The following USP32 variants were observed in gnomAD, a reference collection of about 807,000 sequenced individuals.
USP32 encodes ubiquitin specific peptidase 32.
In USP32, 59 loss-of-function variants were observed where a neutral mutation model predicts 204.8. The ratio of observed to expected loss-of-function variants is 0.29; its 90% CI spans 0.23 to 0.36. The LOEUF (loss-of-function observed/expected upper bound fraction) is 0.36. Ranked by LOEUF, USP32 falls within the 10% of genes least tolerant of loss-of-function variation. The pLI is 1.00. For synonymous variants in USP32, 517 were observed against 678.4 expected (o/e 0.76, Z 3.70); for missense variants, 1,160 against 1,946.4 (o/e 0.60, Z 7.60).
intron 11 of USP32, among the ~76,000 whole-genome samples, chr17:60,247,241 G>A (rs1167416194): frequency 6.6e-6 from 1 of 151,976 alleles, no homozygotes; most frequent in African/African-American, 2.4e-5. Flanking sequence ...GTGCAGTGGG[G>A]CAATCTCGGC....
chr17:60,358,796 T>C (rs1019909994), intron 1 of USP32, among the ~76,000 whole-genome samples: 1 of 152,180 alleles, frequency 6.6e-6, no homozygotes, highest in Non-Finnish European at 1.5e-5. Context: ...GGTTTTGATA[T>C]TACATCATGG....
rs1453188323 is a variant in USP32, at chr17:60,185,577, G to C, written c.3717C>G (p.Leu1239=). The C allele has an allele frequency of 3.7e-6, 6 of 1,611,992 alleles. No homozygotes were observed. Among genetic ancestry groups the C allele is most frequent in the African/African-American group, 1.3e-5 (1 of 74,956 alleles). Residue 1239 remains leucine, a synonymous_variant, in exon 30 of 34, where the codon CTC becomes CTG. Transcript: ENST00000300896. ...QAEPINLDSC[L]RAFTSEEELG... ...GCTCTTCCTCACTGGTGAAAGCACG[G>C]AGACAGCTGTCCAGGTTGATGGGCT...
Position 60,205,491 on chromosome 17 carries a change from C to T in USP32, c.3205G>A (p.Asp1069Asn), listed in dbSNP as rs775400187. The T allele has an allele frequency of 6.8e-6, 11 of 1,613,506 alleles. No homozygotes were observed. The highest frequency in any genetic ancestry group is 1.1e-5 in the South Asian group (1 of 91,048). ...ATGATGTAACCTGTAAAGGGGCTGTCAGGAAGAGATGGCATGTGACCATTA... is the reference window on the plus strand; with the variant it reads ...ATGATGTAACCTGTAAAGGGGCTGTTAGGAAGAGATGGCATGTGACCATTA... ...MVNGHMPSLP[D>N]SPFTGYIIAV... The change falls in exon 26 of 34, where the codon GAC becomes AAC. Residue 1069 changes from aspartate (D) to asparagine (N), a missense_variant. This residue lies in a region of USP32 where 160 missense variants were observed against 322.5 expected (regional missense o/e 0.50). Transcript: ENST00000300896.
intron 1 of USP32, among the ~76,000 whole-genome samples, chr17:60,420,774 T>C (rs987044866): frequency 6.6e-6 from 1 of 152,174 alleles, no homozygotes; most frequent in Admixed American, 6.5e-5. Context: ...AAGTGAAAAA[T>C]TACCTTTGAT....
chr17:60,256,644 AG>A, intron 9 of USP32: 2 of 1,022,088 alleles, frequency 2.0e-6, no homozygotes, highest in Non-Finnish European at 2.4e-6. Flanking sequence ...TTAGGTTAAC[AG>A]GAGTGTCTAA....
chr17:60,281,229 T>C (rs2145823904), intron 5 of USP32, among the ~76,000 whole-genome samples: 1 of 152,176 alleles, frequency 6.6e-6, no homozygotes, highest in Non-Finnish European at 1.5e-5. Context: ...TATAAGAGGA[T>C]GCATATTCAT....
At chr17:60,283,023 A>G (rs919208120) in intron 5 of USP32, among the ~76,000 whole-genome samples, 2 of 152,264 alleles carry the variant, frequency 1.3e-5, no homozygotes, top group African/African-American at 2.4e-5. Context: ...AATTGCTTCA[A>G]TTGAAATATA....
At chr17:60,226,908 G>A (rs1292505357) in intron 12 of USP32, among the ~76,000 whole-genome samples, 1 of 151,690 alleles carries the variant, frequency 6.6e-6, no homozygotes, top group Non-Finnish European at 1.5e-5. Flanking sequence ...GCTGGGGGTG[G>A]TGGAGGGCTC....
At chr17:60,263,411 G>A (rs1039372239) in intron 9 of USP32, among the ~76,000 whole-genome samples, 1 of 152,208 alleles carries the variant, frequency 6.6e-6, no homozygotes, top group Admixed American at 6.5e-5. Context: ...GAAAAAGAAT[G>A]AGTAATGTTG....
intron 1 of USP32, among the ~76,000 whole-genome samples, chr17:60,351,077 C>A (rs963468819): frequency 3.9e-5 from 6 of 152,030 alleles, no homozygotes; most frequent in African/African-American, 1.4e-4. Flanking sequence ...TTACCCTGTC[C>A]ATAGCCCCAA....
chr17:60,230,723 T>C (rs563946883), intron 12 of USP32, among the ~76,000 whole-genome samples: 1 of 152,324 alleles, frequency 6.6e-6, no homozygotes, highest in South Asian at 2.1e-4. Context: ...GGTTCCTTCT[T>C]CCCCTTCCTA....
chr17:60,294,788 A>G lies in USP32; in HGVS notation c.306T>C (p.Leu102=). The part of the protein sequence containing the change: ...DEEKAKYIFS[L]FSSESGNYVI... ...CATAGTTCCCAGATTCACTTGAAAAAAGACTAAAAATGTCTAAGAAAAAGA... is the reference window on the plus strand; with the variant it reads ...CATAGTTCCCAGATTCACTTGAAAAGAGACTAAAAATGTCTAAGAAAAAGA... Residue 102 remains leucine (L), a synonymous_variant, in exon 4 of 34, where the codon CTT becomes CTC. Coordinates refer to ENST00000300896, the MANE Select transcript of USP32 (RefSeq NM_032582.4). The G allele has an allele frequency of 6.2e-7, 1 of 1,605,168 alleles. No individual in the cohort carries two copies. Among genetic ancestry groups the G allele is most frequent in the Non-Finnish European group, 8.5e-7 (1 of 1,173,986 alleles).
chr17:60,274,545 A>C (rs1362478150), intron 5 of USP32, among the ~76,000 whole-genome samples: 1 of 152,230 alleles, frequency 6.6e-6, no homozygotes, highest in African/African-American at 2.4e-5. Flanking sequence ...GGAAAAACAC[A>C]TTACAAACAA....
chr17:60,285,180 G>C (rs979400634), intron 5 of USP32, among the ~76,000 whole-genome samples: 1 of 152,162 alleles, frequency 6.6e-6, no homozygotes, highest in Non-Finnish European at 1.5e-5. Flanking sequence ...AAAAGTGAAA[G>C]TTCAACAGAA....
At chr17:60,236,083 T>C (rs1176673490) in intron 12 of USP32, 55 bp downstream of exon 12, 2 of 1,397,516 alleles carry the variant, frequency 1.4e-6, no homozygotes, top group East Asian at 2.3e-5. Context: ...TGGCTGGAAG[T>C]CTCACGCAGC....
chr17:60,270,491 G>A (rs945467830), intron 6 of USP32, among the ~76,000 whole-genome samples: 3 of 152,140 alleles, frequency 2.0e-5, no homozygotes, highest in African/African-American at 7.2e-5. Context: ...TGATTTTTAT[G>A]ATGTGCTCAC....
intron 7 of USP32, among the ~76,000 whole-genome samples, chr17:60,268,576 C>G (rs2086654400): frequency 7.6e-6 from 1 of 131,346 alleles, no homozygotes; most frequent in African/African-American, 3.1e-5. Context: ...GAACAAGACC[C>G]TGTCTCAAAA....
In USP32 at chr17:60,198,418, T is replaced by C. The variant is rs1598049425; in HGVS notation, c.3276A>G (p.Ser1092=). The C allele has an allele frequency of 1.9e-6, 3 of 1,614,194 alleles. No homozygotes were observed. The highest frequency in any genetic ancestry group is 1.7e-6 in the Non-Finnish European group (2 of 1,180,024). ...KMMRTELYFL[S]SQKNRPSLFG... ...AGAGGCTGGGGCGATTCTTCTGAGA[T>C]GACAGGAAATACAGTTCTGTCCTCA... Residue 1092 remains serine (S), a synonymous_variant, in exon 27 of 34, where the codon TCA becomes TCG. Transcript: ENST00000300896.
chr17:60,209,967 G>A (rs2084917992), intron 21 of USP32, among the ~76,000 whole-genome samples: 1 of 151,748 alleles, frequency 6.6e-6, no homozygotes, highest in South Asian at 2.1e-4. Flanking sequence ...AAAATAATGT[G>A]TATATAATAA....
Sources: allele counts gnomAD v4.1 joint callset (sites outside exome capture counted in the v4.1 genomes callset), GRCh38; gene constraint gnomAD v4.1.1; regional missense constraint gnomAD v4.1.1; transcripts MANE v1.5; gene names NCBI Gene and HGNC (gene_info 2026-07-23, HGNC 2026-07-21).